BLMH: variants seen among roughly 807,000 people sequenced by gnomAD.
BLMH encodes BLM hydrolase.
A neutral mutation model predicts 61.6 loss-of-function variants in BLMH; 32 were observed. The ratio of observed to expected loss-of-function variants is 0.52; its 90% confidence interval spans 0.39 to 0.70. The LOEUF (loss-of-function observed/expected upper bound fraction) is 0.70. Ranked by LOEUF, BLMH falls within the 30% of genes least tolerant of loss-of-function variation. The probability of loss-of-function intolerance (pLI) is 0.00; values close to 1 mark genes in which losing one functional copy is unlikely to be tolerated. For synonymous variants in BLMH, 183 were observed against 193.8 expected, an observed-to-expected ratio of 0.94 and a Z score of 0.46; for missense variants, 460 against 555.5, an observed-to-expected ratio of 0.83 and a Z score of 1.73.
Position 30,248,749 on chromosome 17 carries a change from C to T in BLMH, c.*268G>A, listed in dbSNP as rs1907592614. The T allele has an allele frequency of 5.1e-6, 2 of 394,296 alleles. No individual in the cohort carries two copies. The highest frequency in any genetic ancestry group is 9.1e-6 in the Non-Finnish European group (2 of 219,400). The allele number at this position is 394,296 out of a possible 1,614,324, so 24.4% of individuals were successfully genotyped here. A position where few individuals can be genotyped will look rare whatever the true frequency, so the allele number is the denominator to read the frequency against. On this transcript the variant is annotated 3_prime_UTR_variant, in exon 12 of 12. Coordinates refer to ENST00000261714, the MANE Select transcript of BLMH (RefSeq NM_000386.4). Reference sequence around the variant, plus strand: ...GACAGTTAAAGACAAACAATTACATCTAATTAAAATGCTAAGAGATCCTGA... The same window carrying T: ...GACAGTTAAAGACAAACAATTACATTTAATTAAAATGCTAAGAGATCCTGA...
At chr17:30,257,714 C>G (rs1049778386) in intron 11 of BLMH, among the ~76,000 whole-genome samples, 11 of 152,192 alleles carry the variant, frequency 7.2e-5, no homozygotes, top group African/African-American at 2.7e-4. Flanking sequence ...TGTTTTGATT[C>G]TTATTCTCAC....
chr17:30,284,163 T>A (rs1028661715), intron 6 of BLMH, among the ~76,000 whole-genome samples: 1 of 152,320 alleles, frequency 6.6e-6, no homozygotes, highest in African/African-American at 2.4e-5. Flanking sequence ...ATTTAAGAGA[T>A]AAAAATGAGA....
At chr17:30,289,328 G>A in intron 3 of BLMH, 45 bp downstream of exon 3, 1 of 1,320,934 alleles carries the variant, frequency 7.6e-7, no homozygotes, top group South Asian at 1.4e-5. Context: ...TCCCTACCAA[G>A]GCTGATATCA....
intron 2 of BLMH, 96 bp from the exon 3 acceptor site, chr17:30,289,578 G>A (rs530336380): frequency 1.5e-6 from 1 of 684,918 alleles, no homozygotes; most frequent in African/African-American, 1.8e-5. Context: ...ACACGATCTG[G>A]ACAATTCAGA....
At chr17:30,256,385 G>C (rs1907815266) in intron 11 of BLMH, among the ~76,000 whole-genome samples, 1 of 152,198 alleles carries the variant, frequency 6.6e-6, no homozygotes, top group African/African-American at 2.4e-5. Flanking sequence ...CTGGAGTGCA[G>C]TGGCGTGATC....
intron 11 of BLMH, among the ~76,000 whole-genome samples, chr17:30,261,751 T>C (rs929313782): frequency 2.0e-5 from 3 of 152,236 alleles, no homozygotes; most frequent in African/African-American, 4.8e-5. Context: ...CCAAAATCAC[T>C]TGTGGCAGTT....
chr17:30,286,766 GA>G, intron 5 of BLMH, 47 bp downstream of exon 5: 1 of 1,389,292 alleles, frequency 7.2e-7, no homozygotes, highest in Non-Finnish European at 1.0e-6. Flanking sequence ...AAATAAGTTT[GA>G]AGGAAAGTAC....
chr17:30,276,495 T>C (rs1043457611), intron 6 of BLMH, among the ~76,000 whole-genome samples: 16 of 152,244 alleles, frequency 1.1e-4, no homozygotes, highest in African/African-American at 3.6e-4. Context: ...AACCAGATCA[T>C]GGATATTTTG....
chr17:30,272,945 GTCAAGCAACACACAGCTCTCCTCTA>G, intron 7 of BLMH, 46 bp from the exon 8 acceptor site: 1 of 1,594,396 alleles, frequency 6.3e-7, no homozygotes, highest in Non-Finnish European at 8.6e-7. Context: ...AACCAGGAAT[GTCAAGCAACACACAGCTCTCCTCTA>G]GGTTCATGTT....
intron 9 of BLMH, 84 bp downstream of exon 9, chr17:30,272,477 T>G: frequency 1.3e-6 from 2 of 1,496,230 alleles, no homozygotes; most frequent in Non-Finnish European, 1.9e-6. Context: ...TGGATGAACC[T>G]CGGCAGAGTC....
chr17:30,273,948 C>T, intron 7 of BLMH, 94 bp downstream of exon 7: 2 of 1,454,350 alleles, frequency 1.4e-6, no homozygotes, highest in Non-Finnish European at 1.9e-6. Flanking sequence ...TAGTTTGATA[C>T]TCATACATGC....
At chr17:30,290,532 T>C (rs1053114747) in intron 2 of BLMH, among the ~76,000 whole-genome samples, 4 of 152,254 alleles carry the variant, frequency 2.6e-5, no homozygotes, top group African/African-American at 9.6e-5. Context: ...ACGTTAAATG[T>C]GTGCTTTGTG....
intron 10 of BLMH, among the ~76,000 whole-genome samples, chr17:30,269,197 A>G (rs1289841692): frequency 1.8e-5 from 2 of 111,330 alleles, no homozygotes; most frequent in African/African-American, 6.5e-5. Context: ...TTTTTTTTTG[A>G]GACAGAGTCT....
At chr17:30,288,331 T>C (rs960658288) in intron 3 of BLMH, among the ~76,000 whole-genome samples, 1 of 152,178 alleles carries the variant, frequency 6.6e-6, no homozygotes, top group Non-Finnish European at 1.5e-5. Flanking sequence ...ACAAAACATT[T>C]AATGAACACC....
intron 11 of BLMH, among the ~76,000 whole-genome samples, chr17:30,263,223 T>C (rs1328417081): frequency 1.3e-5 from 2 of 152,178 alleles, no homozygotes; most frequent in African/African-American, 2.4e-5. Context: ...TCTGGCTCTA[T>C]CATTTACTAG....
At chr17:30,265,485 G>A (rs1049520046) in intron 11 of BLMH, among the ~76,000 whole-genome samples, 3 of 152,066 alleles carry the variant, frequency 2.0e-5, no homozygotes, top group Non-Finnish European at 4.4e-5. Flanking sequence ...GGAAAATCAC[G>A]ATTCTAAACA....
At chr17:30,259,795 G>A (rs545936386) in intron 11 of BLMH, among the ~76,000 whole-genome samples, 2 of 152,242 alleles carry the variant, frequency 1.3e-5, no homozygotes, top group Non-Finnish European at 2.9e-5. Context: ...TACTGCTAAT[G>A]GTTTTTTCTC....
intron 10 of BLMH, among the ~76,000 whole-genome samples, chr17:30,270,638 T>C (rs957085860): frequency 1.3e-5 from 2 of 152,232 alleles, no homozygotes; most frequent in Non-Finnish European, 2.9e-5. Context: ...TCTTCCTTCC[T>C]GATGATCCTG....
intron 3 of BLMH, 140 bp from the exon 4 acceptor site, chr17:30,288,087 T>G (rs1457199788): frequency 2.2e-6 from 2 of 906,718 alleles, no homozygotes; most frequent in Non-Finnish European, 3.2e-6. Context: ...CATGAAACCT[T>G]CATGAATTTG....
Sources: allele counts gnomAD v4.1 joint callset (sites outside exome capture counted in the v4.1 genomes callset), GRCh38; gene constraint gnomAD v4.1.1; transcripts MANE v1.5; gene names NCBI Gene and HGNC (gene_info 2026-07-23, HGNC 2026-07-21).